The following DDX46 variants were observed in gnomAD, a reference collection of about 807,000 sequenced individuals.
DDX46 encodes DEAD-box helicase 46.
Under a neutral mutation model 134.9 loss-of-function variants are expected in DDX46, and 30 were observed. The ratio of observed to expected loss-of-function variants is 0.22; its 90% CI spans 0.17 to 0.30. The LOEUF (loss-of-function observed/expected upper bound fraction) is 0.30, where lower values mean the gene tolerates loss of function less well. Ranked by LOEUF, DDX46 falls within the 10% of genes least tolerant of loss-of-function variation. DDX46 has a pLI of 1.00. For synonymous variants in DDX46, 415 were observed against 404.1 expected (o/e 1.03, Z -0.32); for missense variants, 622 against 1,248.7 (o/e 0.50, Z 7.56).
intron 18 of DDX46, 52 bp from the exon 19 acceptor site, chr5:134,816,378 T>C: frequency 6.7e-7 from 1 of 1,482,208 alleles, no homozygotes; most frequent in Non-Finnish European, 9.1e-7. Flanking sequence ...ATAACTTAAT[T>C]TGGTATTTCT....
Position 134,774,899 on chromosome 5 carries a change from G to A in DDX46, c.613+1038G>A, listed in dbSNP as rs572033525. 3.3e-5 allele frequency among the ~76,000 whole-genome samples: 5 copies of A among 152,042 alleles called. No homozygotes were observed. In the East Asian group the frequency reaches 7.7e-4, roughly 23 times the overall value. On this transcript the variant is annotated intron_variant, in intron 5 of 22. Coordinates refer to ENST00000452510, the MANE Select transcript of DDX46 (RefSeq NM_001300860.2). ...AGAGTCTTGCTCTGTCACCCAGGCGGCACTGCAGTCTCCGCCTCCCAGGTT... is the reference window on the plus strand; with the variant it reads ...AGAGTCTTGCTCTGTCACCCAGGCGACACTGCAGTCTCCGCCTCCCAGGTT...
At chr5:134,766,780 C>T in intron 2 of DDX46, 137 bp from the exon 3 acceptor site, 2 of 1,034,452 alleles carry the variant, frequency 1.9e-6, no homozygotes, top group Non-Finnish European at 2.7e-6. Flanking sequence ...ACTTATAAGA[C>T]TTGGCTTTAC....
At chr5:134,781,022 A>T in intron 6 of DDX46, 111 bp from the exon 7 acceptor site, 1 of 759,138 alleles carries the variant, frequency 1.3e-6, no homozygotes, top group South Asian at 2.1e-5. Flanking sequence ...CATGTCACTA[A>T]AAAAAGAAAA....
chr5:134,809,765 T>C (rs1451773922), intron 16 of DDX46, among the ~76,000 whole-genome samples: 1 of 151,782 alleles, frequency 6.6e-6, no homozygotes, highest in Non-Finnish European at 1.5e-5. Context: ...TCCCAGCACT[T>C]TGGGAGGCCG....
intron 3 of DDX46, among the ~76,000 whole-genome samples, chr5:134,769,312 C>T (rs1430651936): frequency 1.0e-4 from 13 of 129,652 alleles, no homozygotes; most frequent in Admixed American, 6.9e-4. Flanking sequence ...TAATTTTTTT[C>T]GTTATATTTT....
intron 14 of DDX46, among the ~76,000 whole-genome samples, chr5:134,795,232 C>CTTTTTT (rs1754621341): frequency 8.8e-6 from 1 of 113,598 alleles, no homozygotes; most frequent in African/African-American, 4.2e-5. Flanking sequence ...TTTTTTTTTG[C>CTTTTTT]TGGGTGCAGT....
At chr5:134,763,815 CTG>C in intron 1 of DDX46, 87 bp from the exon 2 acceptor site, 1 of 1,406,496 alleles carries the variant, frequency 7.1e-7, no homozygotes, top group Non-Finnish European at 9.5e-7. Context: ...TTAAATTTGT[CTG>C]CTGAAATTAT....
At chr5:134,788,709 C>T (rs527342037) in intron 12 of DDX46, 118 bp downstream of exon 12, 1 of 912,006 alleles carries the variant, frequency 1.1e-6, no homozygotes, top group African/African-American at 1.7e-5. Context: ...GCTGCAGTAT[C>T]TTAAAATTTG....
intron 3 of DDX46, among the ~76,000 whole-genome samples, chr5:134,770,209 T>C (rs1469076526): frequency 1.3e-5 from 2 of 151,118 alleles, no homozygotes; most frequent in Non-Finnish European, 2.9e-5. Context: ...ATTTTTTTTT[T>C]TTTTTTTTTT....
chr5:134,772,338 A>G (rs1753798976), intron 4 of DDX46, among the ~76,000 whole-genome samples: 1 of 152,130 alleles, frequency 6.6e-6, no homozygotes, highest in Non-Finnish European at 1.5e-5. Flanking sequence ...CTTGGCCACC[A>G]TGGTGAAACC....
At chr5:134,759,550 G>T (rs1176760611) in intron 1 of DDX46, among the ~76,000 whole-genome samples, 1 of 152,128 alleles carries the variant, frequency 6.6e-6, no homozygotes, top group African/African-American at 2.4e-5. Context: ...TGGACTATGA[G>T]CTCTTATTAG....
At chr5:134,762,481 C>T (rs1328448000) in intron 1 of DDX46, among the ~76,000 whole-genome samples, 3 of 152,114 alleles carry the variant, frequency 2.0e-5, no homozygotes, top group Non-Finnish European at 2.9e-5. Flanking sequence ...GTAATCCATC[C>T]CAGCACTTTG....
intron 6 of DDX46, 132 bp downstream of exon 6, chr5:134,777,857 G>A (rs1380678349): frequency 1.8e-6 from 2 of 1,115,716 alleles, no homozygotes; most frequent in Admixed American, 3.0e-5. Flanking sequence ...AGAGATGGCA[G>A]TACTTTTTCT....
intron 15 of DDX46, among the ~76,000 whole-genome samples, chr5:134,806,790 C>G (rs1013901473): frequency 2.0e-5 from 3 of 152,148 alleles, no homozygotes; most frequent in African/African-American, 7.2e-5. Flanking sequence ...TTATTCCCTT[C>G]TCTATTACCA....
At chr5:134,821,011 GC>G (rs886993720) in intron 21 of DDX46, among the ~76,000 whole-genome samples, 98 of 147,372 alleles carry the variant, frequency 6.6e-4, no homozygotes, top group African/African-American at 2.4e-3. Flanking sequence ...GATTACAGGT[GC>G]CCCCCCGCCA....
chr5:134,815,838 T>A (rs899431782), intron 18 of DDX46, among the ~76,000 whole-genome samples: 15 of 152,100 alleles, frequency 9.9e-5, no homozygotes, highest in Admixed American at 8.5e-4. Context: ...CCTTTCTTGA[T>A]TCAAAGGAAT....
chr5:134,789,466 T>C (rs1298566343), intron 12 of DDX46, among the ~76,000 whole-genome samples: 1 of 152,244 alleles, frequency 6.6e-6, no homozygotes, highest in Admixed American at 6.5e-5. Context: ...TCTAGTAGTA[T>C]TCTGCTTGAA....
intron 8 of DDX46, 141 bp downstream of exon 8, chr5:134,782,227 C>A: frequency 2.1e-6 from 2 of 956,602 alleles, no homozygotes; most frequent in African/African-American, 1.7e-5. Flanking sequence ...ATTAATTGGC[C>A]AGCTGCGGTG....
chr5:134,806,897 A>G (rs1160480757), intron 15 of DDX46, among the ~76,000 whole-genome samples: 1 of 152,274 alleles, frequency 6.6e-6, no homozygotes, highest in South Asian at 2.1e-4. Context: ...CATTCATACT[A>G]AACCTCTTTG....
Sources: allele counts gnomAD v4.1 joint callset (sites outside exome capture counted in the v4.1 genomes callset), GRCh38; gene constraint gnomAD v4.1.1; transcripts MANE v1.5; gene names NCBI Gene and HGNC (gene_info 2026-07-23, HGNC 2026-07-21).